The following CLN6 variants were observed in gnomAD, a reference collection of about 807,000 sequenced individuals.
CLN6 encodes the protein ceroid-lipofuscinosis neuronal protein 6.
Under a neutral mutation model 33.3 loss-of-function variants are expected in CLN6, and 22 were observed. That is an observed-to-expected ratio of 0.66 (90% CI 0.47 to 0.94). CLN6 has a LOEUF of 0.94. Among genes scored for constraint, CLN6 ranks in the 40% least tolerant of loss-of-function variants. CLN6 has a pLI of 0.00. For synonymous variants in CLN6, 201 were observed against 174.6 expected (o/e 1.15, Z -1.19); for missense variants, 387 against 417.1 (o/e 0.93, Z 0.63).
chr15:68,236,083 A>G lies in CLN6; in HGVS notation c.180-17433T>C, dbSNP rs1436154225. ...AAACATGGTATCACAGGAAAAAGCAAGGGATGAAAAAGACAAACAATAACA... is the reference window on the plus strand; with the variant it reads ...AAACATGGTATCACAGGAAAAAGCAGGGGATGAAAAAGACAAACAATAACA... On this transcript the variant is annotated intron_variant, in intron 1 of 6. Transcript: ENST00000538696. The surrounding 1 kb of genome is among the most constrained non-coding windows in gnomAD (Gnocchi z 4.5). 6.6e-6 allele frequency among the ~76,000 whole-genome samples: 1 copy of G among 152,244 alleles called. No individual in the cohort carries two copies. Among genetic ancestry groups the G allele is most frequent in the Non-Finnish European group, 1.5e-5 (1 of 68,038 alleles).
At position 68,246,801 on chromosome 15, in the gene CLN6, A is replaced by G. The variant is rs1341247964; in HGVS notation, c.179+9889T>C. Among the ~76,000 whole-genome samples, 1 of 152,118 alleles carries G rather than the reference A, an allele frequency of 6.6e-6. No individual in the cohort carries two copies. Among genetic ancestry groups the G allele is most frequent in the African/African-American group, 2.4e-5 (1 of 41,386 alleles). On this transcript the variant is annotated intron_variant, in intron 1 of 6. Transcript: ENST00000538696. This position sits in a 1 kb window ranked among gnomAD's most constrained non-coding sequence, Gnocchi z 4.5. ...ATGAAAATTGGTTTTTTGAAAAGATAAACAAAATTAACAGACCATTAACTA... is the reference window on the plus strand; with the variant it reads ...ATGAAAATTGGTTTTTTGAAAAGATGAACAAAATTAACAGACCATTAACTA...
rs11635751 is a variant in CLN6, at chr15:68,240,233, A to C, written c.179+16457T>G. Among the ~76,000 whole-genome samples the C allele has an allele frequency of 3.7e-3, 561 of 152,296 alleles. 2 individuals are homozygous for C. Among genetic ancestry groups the C allele is most frequent in the Non-Finnish European group, 6.5e-3 (439 of 68,022 alleles). On this transcript the variant is annotated intron_variant, in intron 1 of 6. Coordinates refer to the CLN6 transcript ENST00000538696. The stretch of plus-strand genomic sequence containing the variant: ...ATAGAATAAACCCAAAGAAAGCATA[A>C]GGAAAGAGATAATAAATATAAAGGA...
intron 1 of CLN6, among the ~76,000 whole-genome samples, chr15:68,255,557 A>G (rs893053327): frequency 2.0e-5 from 3 of 152,184 alleles, no homozygotes; most frequent in African/African-American, 7.2e-5. Flanking sequence ...TGAGGACTTC[A>G]TTTGGGTTTT....
rs948174964 is a variant in CLN6 at position 68,247,711 on chromosome 15, T to C, written c.179+8979A>G. 3.3e-5 allele frequency among the ~76,000 whole-genome samples: 5 copies of C among 151,986 alleles called. No homozygotes were observed. The highest frequency in any genetic ancestry group is 1.5e-5 in the Non-Finnish European group (1 of 68,006). ...ATATGGAACCACAAAAGACCCAGAA[T>C]AGTGAAAGCAATCCTAAGCAAAACG... On this transcript the variant is annotated intron_variant, in intron 1 of 6. Coordinates refer to the CLN6 transcript ENST00000538696. This position sits in a 1 kb window ranked among gnomAD's most constrained non-coding sequence, Gnocchi z 4.2.
At chr15:68,230,855 C>G (rs1162888315), upstream of CLN6, among the ~76,000 whole-genome samples, 1 of 152,214 alleles carries the variant, frequency 6.6e-6, no homozygotes, top group African/African-American at 2.4e-5. This position sits in a 1 kb window ranked among gnomAD's most constrained non-coding sequence, Gnocchi z 4.0. Flanking sequence ...ACTAGAACAA[C>G]TGCAACCAAC....
rs1397347489 is a variant in CLN6, at chr15:68,228,312, G to A, written c.83+1190C>T. Among the ~76,000 whole-genome samples, 1 of 152,148 alleles carries A rather than the reference G, an allele frequency of 6.6e-6. No homozygotes were observed. The highest frequency in any genetic ancestry group is 2.4e-5 in the African/African-American group (1 of 41,424). On this transcript the variant is annotated intron_variant, in intron 1 of 6. Transcript: ENST00000249806. This position sits in a 1 kb window ranked among gnomAD's most constrained non-coding sequence, Gnocchi z 4.4. Reference sequence around the variant, plus strand: ...ACTTCCTAACAAGGACTTTGCGCATGCTAGTGCTCAGAAACTTCTCACGAC... The same window carrying A: ...ACTTCCTAACAAGGACTTTGCGCATACTAGTGCTCAGAAACTTCTCACGAC...
chr15:68,216,193 C>G (rs2093220253), intron 2 of CLN6, among the ~76,000 whole-genome samples: 1 of 152,112 alleles, frequency 6.6e-6, no homozygotes, highest in East Asian at 1.9e-4. Flanking sequence ...GTGAAGGGAG[C>G]CACGAGCCCA....
In CLN6 at chr15:68,241,214, G is replaced by A. The variant is rs1892277883; in HGVS notation, c.179+15476C>T. 6.6e-6 allele frequency among the ~76,000 whole-genome samples: 1 copy of A among 152,154 alleles called. No individual in the cohort carries two copies. The highest frequency in any genetic ancestry group is 1.9e-4 in the East Asian group (1 of 5,194). ...CCTGGAGACTTCCAGTCCAAAACTG[G>A]TGGTGTAGAAGCAAGCTGGCTACAT... On this transcript the variant is annotated intron_variant, in intron 1 of 6. Coordinates refer to the CLN6 transcript ENST00000538696. The surrounding 1 kb of genome is among the most constrained non-coding windows in gnomAD (Gnocchi z 4.2).
At chr15:68,257,160 C>T (rs1010854102), upstream of CLN6, 7 of 305,560 alleles carry the variant, frequency 2.3e-5, no homozygotes, top group African/African-American at 1.1e-4. Context: ...GGGCTGGAGG[C>T]AGCGGAACGC....
chr15:68,229,300 C>A (rs2093261134), intron 1 of CLN6, among the ~76,000 whole-genome samples: 1 of 152,068 alleles, frequency 6.6e-6, no homozygotes, highest in Non-Finnish European at 1.5e-5. Context: ...CCCGCTGGGC[C>A]CCAGGCTCCC....
chr15:68,208,100 C>CCCCCCCCCCCCCCCCG lies in CLN6; in HGVS notation c.*39_*40insCGGGGGGGGGGGGGGG. On this transcript the variant is annotated 3_prime_UTR_variant, in exon 7 of 7. Transcript: ENST00000249806. The surrounding 1 kb of genome is among the most constrained non-coding windows in gnomAD (Gnocchi z 5.8). The stretch of plus-strand genomic sequence containing the variant: ...TATTCAGATGCCCTCCATGGCCCAC[C>CCCCCCCCCCCCCCCCG]CTCCCACCCAGCAGAGCGCCAGAGC... 1 of 1,505,316 alleles carries CCCCCCCCCCCCCCCCG rather than the reference C, an allele frequency of 6.6e-7. No individual in the cohort carries two copies. The highest frequency in any genetic ancestry group is 9.1e-7 in the Non-Finnish European group (1 of 1,101,366). The allele number at this position is 1,505,316 out of a possible 1,614,324, so 93.2% of individuals were successfully genotyped here.
rs140205656 is a variant in CLN6 at position 68,217,265 on chromosome 15, T to G, written c.198+1271A>C. 2.0e-3 allele frequency among the ~76,000 whole-genome samples: 303 copies of G among 152,364 alleles called. 1 individual carries two copies. Among genetic ancestry groups the G allele is most frequent in the African/African-American group, 6.9e-3 (285 of 41,588 alleles). On this transcript the variant is annotated intron_variant, in intron 2 of 6. Transcript: ENST00000249806. The stretch of plus-strand genomic sequence containing the variant: ...TTTGTTTTTTGAGACAGGGTCTCAC[T>G]GTGTTGCCCAGGCTGGAGTGCAGCG...
Position 68,242,141 on chromosome 15 carries a change from A to C in CLN6, c.179+14549T>G, listed in dbSNP as rs1892285369. Among the ~76,000 whole-genome samples the C allele has an allele frequency of 6.6e-6, 1 of 152,220 alleles. No homozygotes were observed. The highest frequency in any genetic ancestry group is 1.5e-5 in the Non-Finnish European group (1 of 68,042). On this transcript the variant is annotated intron_variant, in intron 1 of 6. Transcript: ENST00000538696. The surrounding 1 kb of genome is among the most constrained non-coding windows in gnomAD (Gnocchi z 5.0). ...AAGATGGCAATATGTGAGCTCTCTG[A>C]CCAAGAATTCAAAATAGCAGTTTTA... is the stretch of plus-strand genomic sequence containing the variant.
chr15:68,257,035 G>A (rs1325374795), exon 1 of CLN6: 6 of 505,636 alleles, frequency 1.2e-5, no homozygotes, highest in East Asian at 3.1e-5. Context: ...TCGCAATACC[G>A]CTGGGGGCTG....
rs753014953 is a variant in CLN6, at chr15:68,208,411, C to T, written c.666-1G>A. The T allele has an allele frequency of 7.4e-6, 12 of 1,612,370 alleles. No individual in the cohort carries two copies. Among genetic ancestry groups the T allele is most frequent in the Non-Finnish European group, 1.0e-5 (12 of 1,179,982 alleles). On this transcript the variant is annotated splice_acceptor_variant, in intron 6 of 6. Transcript: ENST00000249806. LOFTEE classifies it high-confidence loss of function. This position sits in a 1 kb window ranked among gnomAD's most constrained non-coding sequence, Gnocchi z 5.8. ...GATCTGGCCCTCGGTGACCAGGTAC[C>T]TGGAAAGGCCAGGGGTGAGTGAGGC...
At chr15:68,255,685 A>G (rs960933278) in intron 1 of CLN6, among the ~76,000 whole-genome samples, 2 of 152,250 alleles carry the variant, frequency 1.3e-5, no homozygotes, top group Admixed American at 6.5e-5. Context: ...TATGGAGAGT[A>G]TCTTTAATAA....
Position 68,229,688 on chromosome 15 carries a change from G to T in CLN6, c.-104C>A. Reference sequence around the variant, plus strand: ...GCAAATTCCCAGCGCGGGGCGGTTCGGGGCGGGCCGGCGAGAGCGCGCGGC... The same window carrying T: ...GCAAATTCCCAGCGCGGGGCGGTTCTGGGCGGGCCGGCGAGAGCGCGCGGC... On this transcript the variant is annotated 5_prime_UTR_variant, in exon 1 of 7. Coordinates refer to ENST00000249806, the MANE Select transcript of CLN6 (RefSeq NM_017882.3). 1.1e-6 allele frequency: 1 copy of T among 942,710 alleles called. No individual in the cohort carries two copies. Among genetic ancestry groups the T allele is most frequent in the East Asian group, 3.5e-5 (1 of 28,428 alleles). The allele number at this position is 942,710 out of a possible 1,614,324, so 58.4% of individuals were successfully genotyped here. A position where few individuals can be genotyped will look rare whatever the true frequency, so the allele number is the denominator to read the frequency against.
chr15:68,208,096 C>T lies in CLN6; in HGVS notation c.*44G>A, dbSNP rs1414551237. The T allele has an allele frequency of 1.3e-5, 8 of 621,068 alleles. No individual in the cohort carries two copies. The highest frequency in any genetic ancestry group is 2.3e-5 in the Non-Finnish European group (8 of 351,788). 38.5% of individuals were successfully genotyped at this position (621,068 alleles called of 1,614,324 possible). The stretch of plus-strand genomic sequence containing the variant: ...CCTGTATTCAGATGCCCTCCATGGC[C>T]CACCCTCCCACCCAGCAGAGCGCCA... On this transcript the variant is annotated 3_prime_UTR_variant, in exon 7 of 7. Transcript: ENST00000249806. This position sits in a 1 kb window ranked among gnomAD's most constrained non-coding sequence, Gnocchi z 5.8.
In CLN6 at chr15:68,210,235, A is replaced by ATTTTTT. The variant is rs2093200954; in HGVS notation, c.543-477_543-476insAAAAAA. On this transcript the variant is annotated intron_variant, in intron 5 of 6. Transcript: ENST00000249806. The surrounding 1 kb of genome is among the most constrained non-coding windows in gnomAD (Gnocchi z 5.6). ...ACCCCCACCTCAGACACCTCACCCC[A>ATTTTTT]AAATACTACCCTCTCCCCTCTCCAC... 9.3e-6 allele frequency among the ~76,000 whole-genome samples: 1 copy of ATTTTTT among 106,976 alleles called. No homozygotes were observed. The highest frequency in any genetic ancestry group is 3.7e-5 in the African/African-American group (1 of 27,178). 70.2% of individuals were successfully genotyped at this position (106,976 alleles called of 152,430 possible).
Sources: gnomAD v4.1 joint callset for allele counts (sites outside exome capture counted in the v4.1 genomes callset) on GRCh38, gnomAD v4.1.1 for gene constraint, Gnocchi (gnomAD v3.1) non-coding constraint, MANE v1.5 for transcripts, NCBI Gene and HGNC (gene_info 2026-07-23, HGNC 2026-07-21) for gene names.